Variants in LMNTD1 observed in about 807,000 individuals in gnomAD.
LMNTD1 encodes the protein lamin tail domain-containing protein 1.
A neutral mutation model predicts 50.9 loss-of-function variants in LMNTD1; 35 were observed. The observed-to-expected ratio is 0.69, with a 90% CI of 0.53 to 0.91. The LOEUF (loss-of-function observed/expected upper bound fraction) is 0.91, where lower values mean the gene tolerates loss of function less well. LMNTD1 is among the 40% of genes least tolerant of loss of function. LMNTD1 has a pLI of 0.00. For missense variants in LMNTD1, 470 were observed against 475.5 expected, an observed-to-expected ratio of 0.99 and a Z score of 0.11; for synonymous variants, 153 against 161.9, an observed-to-expected ratio of 0.94 and a Z score of 0.42.
intron 9 of LMNTD1, among the ~76,000 whole-genome samples, chr12:25,480,684 T>C (rs1366651280): frequency 6.6e-6 from 1 of 152,246 alleles, no homozygotes; most frequent in Non-Finnish European, 1.5e-5. Context: ...CTCTGCTAAG[T>C]TTATTTGCCA....
chr12:25,486,411 C>A (rs202015470), intron 9 of LMNTD1, among the ~76,000 whole-genome samples: 2 of 151,626 alleles, frequency 1.3e-5, no homozygotes, highest in African/African-American at 4.8e-5. Flanking sequence ...TGGGCTGAGA[C>A]GATGGGGTTT....
chr12:25,642,417 C>T (rs1032585697), intron 1 of LMNTD1, among the ~76,000 whole-genome samples: 1 of 152,158 alleles, frequency 6.6e-6, no homozygotes, highest in African/African-American at 2.4e-5. Flanking sequence ...GACAGACAGC[C>T]ATCTATGAAC....
At chr12:25,533,050 C>T (rs747832989) in intron 4 of LMNTD1, among the ~76,000 whole-genome samples, 2 of 152,094 alleles carry the variant, frequency 1.3e-5, no homozygotes, top group African/African-American at 2.4e-5. Context: ...AAGCAAAGTG[C>T]TTATTTATTA....
intron 1 of LMNTD1, among the ~76,000 whole-genome samples, chr12:25,633,446 A>C (rs1018015506): frequency 2.0e-5 from 3 of 152,168 alleles, no homozygotes; most frequent in Non-Finnish European, 4.4e-5. Flanking sequence ...GCCTCAATAC[A>C]TTTAAGAAAA....
chr12:25,530,112 C>T lies in LMNTD1; in HGVS notation c.492-3157G>A, dbSNP rs140454925. On this transcript the variant is annotated intron_variant, in intron 4 of 9. Transcript: ENST00000458174. ...GATTATAGTGCAGTTGCACAAGCTG[C>T]TTATTGGCTACTCAGTTTTCCTCTT... Among the ~76,000 whole-genome samples, 464 of 152,268 alleles carry T rather than the reference C, an allele frequency of 3.0e-3. 5 individuals are homozygous for T. Among genetic ancestry groups the T allele is most frequent in the East Asian group, 0.025 (130 of 5,174 alleles).
chr12:25,635,251 A>G (rs28856332), intron 1 of LMNTD1, among the ~76,000 whole-genome samples: 8 of 42,492 alleles, frequency 1.9e-4, no homozygotes, highest in South Asian at 6.6e-4. Flanking sequence ...AAAAAAAAAA[A>G]GAAAAAAAAA....
intron 1 of LMNTD1, among the ~76,000 whole-genome samples, chr12:25,578,179 T>C (rs780110460): frequency 6.6e-6 from 1 of 152,172 alleles, no homozygotes; most frequent in Non-Finnish European, 1.5e-5. Context: ...AAGAAGATTG[T>C]CCAATCATGT....
chr12:25,646,445 C>T (rs1047149624), intron 1 of LMNTD1, among the ~76,000 whole-genome samples: 1 of 152,168 alleles, frequency 6.6e-6, no homozygotes, highest in Non-Finnish European at 1.5e-5. Context: ...TGGTCTTCTG[C>T]TTTCCTCTTG....
rs1012312993 is a variant in LMNTD1 at position 25,520,153 on chromosome 12, T to G, written c.799-78A>C. On this transcript the variant is annotated intron_variant, in intron 6 of 9. Coordinates refer to ENST00000458174, the MANE Select transcript of LMNTD1 (RefSeq NM_001145728.2). The stretch of plus-strand genomic sequence containing the variant: ...TGCTGTTATGAGATATACATATATA[T>G]ATATATATATATATATATATATAGT... 10 of 198,844 alleles carry G rather than the reference T, an allele frequency of 5.0e-5. 1 individual carries two copies. The highest frequency in any genetic ancestry group is 6.6e-5 in the Non-Finnish European group (7 of 105,320). 12.3% of individuals were successfully genotyped at this position (198,844 alleles called of 1,614,324 possible).
chr12:25,519,046 G>C (rs1941034084), intron 7 of LMNTD1, 79 bp from the exon 8 acceptor site: 2 of 1,328,594 alleles, frequency 1.5e-6, no homozygotes, highest in South Asian at 2.7e-5. Flanking sequence ...CAATTAAAGG[G>C]GAAGCATATT....
chr12:25,546,149 G>A (rs1027323866), intron 4 of LMNTD1, among the ~76,000 whole-genome samples: 1 of 151,540 alleles, frequency 6.6e-6, no homozygotes, highest in Non-Finnish European at 1.5e-5. Context: ...ATGTAGCATT[G>A]TTTACTCTGG....
intron 1 of LMNTD1, among the ~76,000 whole-genome samples, chr12:25,587,836 G>A (rs1461085848): frequency 6.6e-6 from 1 of 152,108 alleles, no homozygotes; most frequent in Non-Finnish European, 1.5e-5. Context: ...AATTCAGAGG[G>A]TATTTTAGGA....
chr12:25,492,852 T>A (rs1389798994), intron 9 of LMNTD1, among the ~76,000 whole-genome samples: 1 of 152,200 alleles, frequency 6.6e-6, no homozygotes, highest in African/African-American at 2.4e-5. Context: ...GTTCAAACAC[T>A]TGGCCCCAGA....
intron 1 of LMNTD1, among the ~76,000 whole-genome samples, chr12:25,647,621 C>T (rs556143538): frequency 6.6e-6 from 1 of 152,292 alleles, no homozygotes; most frequent in East Asian, 1.9e-4. Context: ...ATTTATTCAT[C>T]CTTTTATCTC....
At chr12:25,608,386 T>C (rs1946164534) in intron 1 of LMNTD1, among the ~76,000 whole-genome samples, 1 of 152,228 alleles carries the variant, frequency 6.6e-6, no homozygotes, top group Admixed American at 6.5e-5. Context: ...TGATGTTAGC[T>C]GGTTATTTTG....
chr12:25,495,326 G>T (rs916228502), intron 9 of LMNTD1, among the ~76,000 whole-genome samples: 4 of 150,994 alleles, frequency 2.6e-5, no homozygotes, highest in African/African-American at 9.7e-5. Context: ...GGGGTATAAA[G>T]CAGTAGGTAA....
intron 4 of LMNTD1, among the ~76,000 whole-genome samples, chr12:25,527,681 T>TATACATAC (rs1463259109): frequency 3.1e-5 from 1 of 32,356 alleles, no homozygotes; most frequent in African/African-American, 1.2e-4. Context: ...TATATATATA[T>TATACATAC]ACACACACAC....
intron 1 of LMNTD1, among the ~76,000 whole-genome samples, chr12:25,591,320 G>A (rs1410431612): frequency 1.3e-5 from 2 of 152,180 alleles, no homozygotes; most frequent in African/African-American, 4.8e-5. Flanking sequence ...TGCACTGGCA[G>A]GCAGCATTCA....
intron 6 of LMNTD1, 25 bp downstream of exon 6, chr12:25,526,073 AC>A (rs755124430): frequency 9.8e-5 from 150 of 1,535,434 alleles, no homozygotes; most frequent in Admixed American, 1.4e-4. Flanking sequence ...AAAAAAAAAA[AC>A]GATTGTTAAG....
Sources: gnomAD v4.1 joint callset for allele counts (sites outside exome capture counted in the v4.1 genomes callset) on GRCh38, gnomAD v4.1.1 for gene constraint, MANE v1.5 for transcripts, NCBI Gene and HGNC (gene_info 2026-07-23, HGNC 2026-07-21) for gene names.